KLF12: variants seen among roughly 807,000 people sequenced by gnomAD.
KLF12 encodes the protein KLF transcription factor 12.
In KLF12, 9 loss-of-function variants were observed where a neutral mutation model predicts 37.8. That is an observed-to-expected ratio of 0.24 (90% confidence interval 0.14 to 0.42). The LOEUF (loss-of-function observed/expected upper bound fraction) is 0.42. Among genes scored for constraint, KLF12 ranks in the 10% least tolerant of loss-of-function variants. The pLI is 1.00. For synonymous variants in KLF12, 208 were observed against 202.1 expected, an observed-to-expected ratio of 1.03 and a Z score of -0.25; for missense variants, 411 against 516.0, an observed-to-expected ratio of 0.80 and a Z score of 1.97.
intron 3 of KLF12, among the ~76,000 whole-genome samples, chr13:73,906,702 T>C (rs1475065952): frequency 6.6e-6 from 1 of 152,216 alleles, no homozygotes; most frequent in African/African-American, 2.4e-5. Flanking sequence ...ACATATAATG[T>C]CCTACCTCCT....
intron 6 of KLF12, among the ~76,000 whole-genome samples, chr13:73,745,560 A>G (rs1286313423): frequency 1.3e-5 from 2 of 152,230 alleles, no homozygotes; most frequent in Non-Finnish European, 2.9e-5. Context: ...TATATTTTGT[A>G]AAAGTATCAC....
chr13:73,976,958 A>C (rs1197439154), intron 2 of KLF12, among the ~76,000 whole-genome samples: 1 of 152,194 alleles, frequency 6.6e-6, no homozygotes. Flanking sequence ...CCAAGCAAAA[A>C]TCAGTAAGGT....
At position 74,041,691 on chromosome 13, in the gene KLF12, TACACACACACACACACAC is replaced by T. The variant is rs59315484; in HGVS notation, c.-31-46656_-31-46639del. Among the ~76,000 whole-genome samples the T allele has an allele frequency of 5.6e-5, 8 of 142,270 alleles. No individual in the cohort carries two copies. The South Asian group carries it at 1.2e-3, about 21-fold the overall frequency. 93.3% of individuals were successfully genotyped at this position (142,270 alleles called of 152,430 possible). On this transcript the variant is annotated intron_variant, in intron 1 of 7. Transcript: ENST00000377669. ...TATGAAATTCCCCAGATCGCTGATT[TACACACACACACACACAC>T]ACACACACACACACACACACACACC... is the stretch of plus-strand genomic sequence containing the variant.
chr13:73,808,817 G>A (rs1158393239), intron 5 of KLF12, among the ~76,000 whole-genome samples: 1 of 152,170 alleles, frequency 6.6e-6, no homozygotes, highest in African/African-American at 2.4e-5. Context: ...GACAAGAAGA[G>A]CTTCAGTTAG....
At chr13:74,040,777 T>C (rs1053175460) in intron 1 of KLF12, among the ~76,000 whole-genome samples, 1 of 152,150 alleles carries the variant, frequency 6.6e-6, no homozygotes, top group African/African-American at 2.4e-5. Flanking sequence ...GTCAAAAATG[T>C]TCATAACAAC....
At chr13:74,045,490 T>C (rs1421288203) in intron 1 of KLF12, among the ~76,000 whole-genome samples, 11 of 152,076 alleles carry the variant, frequency 7.2e-5, no homozygotes, top group Admixed American at 6.5e-4. Flanking sequence ...TCACAAAACC[T>C]AATGTGGTAT....
chr13:74,273,372 T>C, the KLF12 span, among the ~76,000 whole-genome samples: 2 of 152,024 alleles, frequency 1.3e-5, no homozygotes, highest in African/African-American at 4.8e-5. Flanking sequence ...CTTTGGTAAG[T>C]GTATCTGTGC....
At chr13:73,810,982 C>CTTTCTTTTTTTTTTTTTTTTTTTT (rs1555308731) in intron 5 of KLF12, among the ~76,000 whole-genome samples, 13 of 44,814 alleles carry the variant, frequency 2.9e-4, no homozygotes, top group African/African-American at 1.1e-3. Flanking sequence ...ATTTTTCTTT[C>CTTTCTTTTTTTTTTTTTTTTTTTT]TTTTTTTTTT....
At chr13:74,162,186 C>CT in the KLF12 span, among the ~76,000 whole-genome samples, 4 of 152,104 alleles carry the variant, frequency 2.6e-5, no homozygotes, top group Non-Finnish European at 4.4e-5. Flanking sequence ...ACCATGGGAC[C>CT]TTTTTTGTAA....
At chr13:73,869,600 A>G (rs1468517597) in intron 3 of KLF12, among the ~76,000 whole-genome samples, 1 of 152,098 alleles carries the variant, frequency 6.6e-6, no homozygotes, top group African/African-American at 2.4e-5. Flanking sequence ...TTCTGCAAGT[A>G]CATAGATAAA....
chr13:74,300,872 C>G, the KLF12 span, among the ~76,000 whole-genome samples: 2 of 152,150 alleles, frequency 1.3e-5, no homozygotes, highest in Non-Finnish European at 2.9e-5. Flanking sequence ...ACAAGGTAGG[C>G]TTTGAGTCTT....
chr13:74,160,706 T>C, the KLF12 span, among the ~76,000 whole-genome samples: 1 of 152,048 alleles, frequency 6.6e-6, no homozygotes, highest in Non-Finnish European at 1.5e-5. Flanking sequence ...GGAAGAAACC[T>C]GTGGAGGTTA....
chr13:73,887,988 G>A (rs115857395), intron 3 of KLF12, among the ~76,000 whole-genome samples: 1,838 of 151,996 alleles, frequency 0.012, 47 homozygotes, highest in African/African-American at 0.041. Flanking sequence ...GTATTTATGC[G>A]TCTGATTAAA....
intron 6 of KLF12, among the ~76,000 whole-genome samples, chr13:73,722,853 C>T (rs1391158137): frequency 6.6e-6 from 1 of 152,064 alleles, no homozygotes; most frequent in Non-Finnish European, 1.5e-5. Flanking sequence ...ACAAAGTTTC[C>T]TACTAAACTA....
chr13:73,952,717 G>A (rs1310322694), intron 2 of KLF12, among the ~76,000 whole-genome samples: 4 of 152,228 alleles, frequency 2.6e-5, no homozygotes, highest in African/African-American at 9.6e-5. Flanking sequence ...GAAGAAAAGT[G>A]TATGGGCATC....
intron 1 of KLF12, among the ~76,000 whole-genome samples, chr13:74,044,610 G>A (rs993449701): frequency 6.6e-6 from 1 of 152,102 alleles, no homozygotes; most frequent in Non-Finnish European, 1.5e-5. Context: ...ACTTTGGGAG[G>A]CCAAGGCAGG....
chr13:74,202,472 G>T, the KLF12 span, among the ~76,000 whole-genome samples: 2 of 152,082 alleles, frequency 1.3e-5, no homozygotes, highest in Non-Finnish European at 2.9e-5. Flanking sequence ...CCCTACCTGT[G>T]TTAGCTACAT....
chr13:73,889,285 A>G (rs558696183), intron 3 of KLF12, among the ~76,000 whole-genome samples: 3 of 152,348 alleles, frequency 2.0e-5, no homozygotes, highest in Non-Finnish European at 4.4e-5. Flanking sequence ...GTGCATACAT[A>G]GCGCCAATCT....
At chr13:73,938,403 C>T (rs527268162) in intron 3 of KLF12, among the ~76,000 whole-genome samples, 2 of 152,296 alleles carry the variant, frequency 1.3e-5, no homozygotes, top group South Asian at 2.1e-4. Context: ...ACAATACCTG[C>T]ACCCGTCTAT....
Sources: allele counts gnomAD v4.1 joint callset (sites outside exome capture counted in the v4.1 genomes callset), GRCh38; gene constraint gnomAD v4.1.1; transcripts MANE v1.5; gene names NCBI Gene and HGNC (gene_info 2026-07-23, HGNC 2026-07-21).